Variants in DAPP1 observed in about 807,000 individuals in gnomAD.
DAPP1 encodes dual adapter for phosphotyrosine and 3-phosphotyrosine and 3-phosphoinositide.
A neutral mutation model predicts 41.5 loss-of-function variants in DAPP1; 20 were observed. The observed-to-expected ratio is 0.48, with a 90% CI of 0.34 to 0.70. The LOEUF is 0.70. Ranked by LOEUF, DAPP1 falls within the 30% of genes least tolerant of loss-of-function variation. The pLI, the probability that DAPP1 is intolerant of heterozygous loss-of-function variation, is 0.01. For synonymous variants in DAPP1, 113 were observed against 116.2 expected (o/e 0.97, Z 0.18); for missense variants, 233 against 333.4 (o/e 0.70, Z 2.35).
At chr4:99,849,520 CT>C (rs1273116504) in intron 3 of DAPP1, among the ~76,000 whole-genome samples, 2 of 152,174 alleles carry the variant, frequency 1.3e-5, no homozygotes, top group African/African-American at 4.8e-5. Flanking sequence ...AAGGCAGTGG[CT>C]GTCTAATACC....
chr4:99,827,022 T>C (rs1224971973), intron 1 of DAPP1, among the ~76,000 whole-genome samples: 7 of 152,228 alleles, frequency 4.6e-5, no homozygotes, highest in Non-Finnish European at 8.8e-5. Context: ...TGCCAAATTC[T>C]GTGAACTCAA....
intron 3 of DAPP1, among the ~76,000 whole-genome samples, chr4:99,840,673 A>G (rs1296772160): frequency 6.6e-6 from 1 of 152,246 alleles, no homozygotes; most frequent in Non-Finnish European, 1.5e-5. Flanking sequence ...CACAAAAAGA[A>G]CAAAGGTAAA....
chr4:99,823,459 T>C (rs1186168104), intron 1 of DAPP1, among the ~76,000 whole-genome samples: 1 of 152,188 alleles, frequency 6.6e-6, no homozygotes, highest in Non-Finnish European at 1.5e-5. Context: ...AGAAATGTTT[T>C]TCTGTACACA....
intron 1 of DAPP1, among the ~76,000 whole-genome samples, chr4:99,833,351 C>G (rs909804835): frequency 6.6e-6 from 1 of 152,072 alleles, no homozygotes; most frequent in Non-Finnish European, 1.5e-5. Context: ...AAATATATTT[C>G]TAATATAGGA....
At chr4:99,824,216 G>A (rs1722865090) in intron 1 of DAPP1, among the ~76,000 whole-genome samples, 1 of 152,220 alleles carries the variant, frequency 6.6e-6, no homozygotes, top group African/African-American at 2.4e-5. Context: ...GAACTCCTTA[G>A]GAGCAGGACA....
chr4:99,859,930 C>T (rs1036936790), intron 4 of DAPP1, among the ~76,000 whole-genome samples: 1 of 152,236 alleles, frequency 6.6e-6, no homozygotes, highest in East Asian at 1.9e-4. Context: ...CCACCCTGTA[C>T]TAAGGTGCTT....
At chr4:99,867,502 G>A (rs1347346073) in intron 8 of DAPP1, among the ~76,000 whole-genome samples, 1 of 152,186 alleles carries the variant, frequency 6.6e-6, no homozygotes, top group Non-Finnish European at 1.5e-5. Flanking sequence ...GTATTAGCAT[G>A]AATGCGAAGG....
At chr4:99,850,689 A>G (rs1486393482) in intron 3 of DAPP1, among the ~76,000 whole-genome samples, 1 of 152,202 alleles carries the variant, frequency 6.6e-6, no homozygotes, top group East Asian at 1.9e-4. Context: ...AGTTAATCAC[A>G]AGTAGTGATT....
At chr4:99,831,986 A>C (rs1410061963) in intron 1 of DAPP1, among the ~76,000 whole-genome samples, 1 of 149,932 alleles carries the variant, frequency 6.7e-6, no homozygotes, top group Non-Finnish European at 1.5e-5. Context: ...AAAAAAAAAA[A>C]CAGGTTATAT....
chr4:99,821,002 AG>A (rs2110132084), intron 1 of DAPP1, among the ~76,000 whole-genome samples: 1 of 152,322 alleles, frequency 6.6e-6, no homozygotes, highest in East Asian at 1.9e-4. Flanking sequence ...AAACAAAATG[AG>A]TCCGTATTAT....
chr4:99,817,440 C>G (rs1163592984), intron 1 of DAPP1, among the ~76,000 whole-genome samples: 3 of 152,162 alleles, frequency 2.0e-5, no homozygotes, highest in African/African-American at 7.2e-5. Flanking sequence ...AAAGCTTACC[C>G]TACTGTAAGG....
intron 8 of DAPP1, chr4:99,866,766 ATTTTTTT>A (rs11315402): frequency 1.5e-4 from 57 of 372,328 alleles, no homozygotes; most frequent in Non-Finnish European, 2.0e-4. Context: ...CTTTTTTTCT[ATTTTTTT>A]TTTTTTTTTT....
intron 1 of DAPP1, among the ~76,000 whole-genome samples, chr4:99,820,224 G>T (rs1722726136): frequency 6.6e-6 from 1 of 152,120 alleles, no homozygotes; most frequent in South Asian, 2.1e-4. Flanking sequence ...GGGTCAGGCT[G>T]TTTGCTGCTT....
At chr4:99,861,082 A>T (rs972576852) in intron 4 of DAPP1, among the ~76,000 whole-genome samples, 1 of 152,180 alleles carries the variant, frequency 6.6e-6, no homozygotes, top group African/African-American at 2.4e-5. Flanking sequence ...GGGGAGGAGG[A>T]TTATGTGATA....
chr4:99,824,918 C>G (rs1194652895), intron 1 of DAPP1, among the ~76,000 whole-genome samples: 1 of 152,134 alleles, frequency 6.6e-6, no homozygotes, highest in African/African-American at 2.4e-5. Flanking sequence ...GGGGACCGAA[C>G]AGAAGGATCT....
At chr4:99,861,749 A>T in intron 5 of DAPP1, 124 bp downstream of exon 5, 1 of 1,108,978 alleles carries the variant, frequency 9.0e-7, no homozygotes, top group African/African-American at 1.6e-5. Context: ...ACCCATTTGT[A>T]ATATTCACCT....
At chr4:99,835,329 T>G (rs925036689) in intron 1 of DAPP1, among the ~76,000 whole-genome samples, 1 of 152,104 alleles carries the variant, frequency 6.6e-6, no homozygotes, top group African/African-American at 2.4e-5. Flanking sequence ...TTTAACTTGG[T>G]AAAGACCCTG....
chr4:99,859,610 A>G (rs887779443), intron 4 of DAPP1, among the ~76,000 whole-genome samples: 1 of 152,040 alleles, frequency 6.6e-6, no homozygotes, highest in Non-Finnish European at 1.5e-5. Flanking sequence ...TCCTCAGTAC[A>G]CTTATGTGGT....
At chr4:99,864,179 T>G (rs193301993) in intron 7 of DAPP1, 17 of 175,336 alleles carry the variant, frequency 9.7e-5, no homozygotes, top group Admixed American at 3.2e-4. Flanking sequence ...TAATGATAGG[T>G]GATTTGTATT....
Sources: gnomAD v4.1 joint callset for allele counts (sites outside exome capture counted in the v4.1 genomes callset) on GRCh38, gnomAD v4.1.1 for gene constraint, MANE v1.5 for transcripts, NCBI Gene and HGNC (gene_info 2026-07-23, HGNC 2026-07-21) for gene names.